The following HCN1 variants were observed in gnomAD, a reference collection of about 807,000 sequenced individuals.
HCN1 encodes the protein hyperpolarization activated cyclic nucleotide gated potassium channel 1, also known as potassium/sodium hyperpolarization-activated cyclic nucleotide-gated channel 1.
A neutral mutation model predicts 78.9 loss-of-function variants in HCN1; 13 were observed. That is an observed-to-expected ratio of 0.16 (90% CI 0.11 to 0.26). The LOEUF is 0.26. Among genes scored for constraint, HCN1 ranks in the 10% least tolerant of loss-of-function variants. HCN1 has a pLI of 1.00. For synonymous variants in HCN1, 552 were observed against 455.5 expected (o/e 1.21, Z -2.70); for missense variants, 810 against 1,154.3 (o/e 0.70, Z 4.32).
chr5:45,419,739 C>T (rs986064143), intron 3 of HCN1, among the ~76,000 whole-genome samples: 5 of 152,154 alleles, frequency 3.3e-5, no homozygotes, highest in African/African-American at 4.8e-5. Context: ...GCTGTGTTTC[C>T]TGTTGAAGGT....
At chr5:45,564,998 C>T (rs956895737) in intron 2 of HCN1, among the ~76,000 whole-genome samples, 1 of 152,092 alleles carries the variant, frequency 6.6e-6, no homozygotes, top group Non-Finnish European at 1.5e-5. Flanking sequence ...TCAGAAGAAT[C>T]TTTGTGTTTT....
At chr5:45,432,687 A>G (rs1740486636) in intron 3 of HCN1, among the ~76,000 whole-genome samples, 1 of 152,142 alleles carries the variant, frequency 6.6e-6, no homozygotes, top group Non-Finnish European at 1.5e-5. Flanking sequence ...AGGGCTTTTC[A>G]TATGAAGAGA....
At chr5:45,445,244 G>A (rs986951652) in intron 3 of HCN1, among the ~76,000 whole-genome samples, 1 of 152,202 alleles carries the variant, frequency 6.6e-6, no homozygotes, top group Non-Finnish European at 1.5e-5. Context: ...TCCCGCACCT[G>A]GCTCGGAGGG....
In HCN1 at chr5:45,695,829, G is replaced by T. The variant is rs763705954; in HGVS notation, c.265C>A (p.Arg89=). 12 of 1,604,712 alleles carry T rather than the reference G, an allele frequency of 7.5e-6. No homozygotes were observed. The East Asian group carries it at 2.5e-4, about 33-fold the overall frequency. The part of the protein sequence containing the change: ...GGFEDAEGPR[R]QYGFMQRQFT... ...TGCCTCTGCATGAAGCCGTACTGCC[G>T]CCGGGGCCCCTCGGCGTCTTCGAAG... Residue 89 remains arginine (R), a synonymous_variant, in exon 1 of 8, where the codon CGG becomes AGG. Coordinates refer to ENST00000303230, the MANE Select transcript of HCN1 (RefSeq NM_021072.4).
intron 4 of HCN1, among the ~76,000 whole-genome samples, chr5:45,381,201 T>C (rs954086091): frequency 6.6e-6 from 1 of 152,146 alleles, no homozygotes; most frequent in Non-Finnish European, 1.5e-5. Context: ...AAGATACTTT[T>C]GAAAATAATT....
At chr5:45,558,304 G>T (rs1366004789) in intron 2 of HCN1, 1 of 152,118 alleles carries the variant, frequency 6.6e-6, no homozygotes, top group African/African-American at 2.4e-5. Flanking sequence ...CAGAGGTGAG[G>T]ATGCTGCAGA....
At position 45,303,728 on chromosome 5, in the gene HCN1, G is replaced by T; in HGVS notation, c.1489C>A (p.Gln497Lys). The T allele has an allele frequency of 1.2e-6, 2 of 1,613,644 alleles. No homozygotes were observed. Among genetic ancestry groups the T allele is most frequent in the Non-Finnish European group, 1.7e-6 (2 of 1,179,792 alleles). The change falls in exon 6 of 8, where the codon CAA (glutamine) becomes AAA (lysine). Residue 497 changes from glutamine (Q) to lysine (K), a missense_variant. Physicochemically the swap from Gln to Lys is moderately conservative, Grantham distance 53. Around this residue, in one of 6 missense-constraint regions of HCN1, gnomAD observed 100 missense variants for 126.8 expected, o/e 0.79. Coordinates refer to ENST00000303230, the MANE Select transcript of HCN1 (RefSeq NM_021072.4). ...MLSKLRFEVF[Q>K]PGDYIIREGA... is the part of the protein sequence containing the mutation. Reference sequence around the variant, plus strand: ...TCTCGTATGATATAATCTCCAGGTTGAAACACCTCAAATCTCAACTTGCTC... The same window carrying T: ...TCTCGTATGATATAATCTCCAGGTTTAAACACCTCAAATCTCAACTTGCTC...
intron 6 of HCN1, among the ~76,000 whole-genome samples, chr5:45,280,815 T>C (rs1312900992): frequency 1.3e-5 from 2 of 152,224 alleles, no homozygotes; most frequent in Non-Finnish European, 2.9e-5. Flanking sequence ...TTGGATACTC[T>C]TCTTGGAACG....
intron 3 of HCN1, among the ~76,000 whole-genome samples, chr5:45,409,948 C>T (rs998437436): frequency 6.6e-6 from 1 of 151,376 alleles, no homozygotes; most frequent in African/African-American, 2.4e-5. Context: ...GTTACTTGCC[C>T]AAGGTCTGAT....
Position 45,410,896 on chromosome 5 carries a change from G to A in HCN1, c.1012-14186C>T, listed in dbSNP as rs185186666. On this transcript the variant is annotated intron_variant, in intron 3 of 7. Transcript: ENST00000303230. ...ATCTGAGAGAACATTTAGCATTGACGTCTAAATCCACATAAGCTGTATACA... is the reference window on the plus strand; with the variant it reads ...ATCTGAGAGAACATTTAGCATTGACATCTAAATCCACATAAGCTGTATACA... Among the ~76,000 whole-genome samples the A allele has an allele frequency of 2.5e-4, 38 of 152,102 alleles. 1 individual carries two copies. The East Asian group carries it at 6.6e-3, about 26-fold the overall frequency.
chr5:45,496,917 G>T (rs2111718712), intron 2 of HCN1, among the ~76,000 whole-genome samples: 1 of 152,190 alleles, frequency 6.6e-6, no homozygotes, highest in South Asian at 2.1e-4. Flanking sequence ...TGTTCTCATT[G>T]GTTTCAAAGA....
At chr5:45,313,348 C>G (rs1745900574) in intron 5 of HCN1, among the ~76,000 whole-genome samples, 1 of 152,100 alleles carries the variant, frequency 6.6e-6, no homozygotes, top group Non-Finnish European at 1.5e-5. Flanking sequence ...AGGACATTCA[C>G]ACCAAAACCC....
At chr5:45,313,351 CA>C in intron 5 of HCN1, among the ~76,000 whole-genome samples, 1 of 152,008 alleles carries the variant, frequency 6.6e-6, no homozygotes, top group Non-Finnish European at 1.5e-5. Flanking sequence ...ACATTCACAC[CA>C]AAACCCCATC....
intron 2 of HCN1, among the ~76,000 whole-genome samples, chr5:45,462,701 A>C (rs369801504): frequency 3.3e-5 from 5 of 152,170 alleles, no homozygotes; most frequent in African/African-American, 9.6e-5. Context: ...TTTTGATGAA[A>C]TTCAGTATGG....
intron 2 of HCN1, among the ~76,000 whole-genome samples, chr5:45,514,566 C>A (rs1469499742): frequency 6.6e-6 from 1 of 152,088 alleles, no homozygotes; most frequent in Admixed American, 6.6e-5. Flanking sequence ...TTTATTTCTA[C>A]CTCAATGTTT....
At chr5:45,376,345 T>TAGAG (rs1328696016) in intron 4 of HCN1, among the ~76,000 whole-genome samples, 27 of 96,928 alleles carry the variant, frequency 2.8e-4, no homozygotes, top group African/African-American at 9.7e-4. Flanking sequence ...ATATTATATA[T>TAGAG]ATATAGAGAG....
chr5:45,390,026 T>G (rs2112034001), intron 4 of HCN1, among the ~76,000 whole-genome samples: 1 of 152,292 alleles, frequency 6.6e-6, no homozygotes, highest in Admixed American at 6.5e-5. Context: ...TTCATTCAAA[T>G]TAGACTATTC....
intron 2 of HCN1, among the ~76,000 whole-genome samples, chr5:45,605,417 C>G (rs1376395291): frequency 6.6e-6 from 1 of 151,546 alleles, no homozygotes; most frequent in African/African-American, 2.4e-5. Context: ...AATCTAAATG[C>G]CAATAAGTTA....
intron 4 of HCN1, among the ~76,000 whole-genome samples, chr5:45,361,413 G>T (rs1747106959): frequency 6.6e-6 from 1 of 152,118 alleles, no homozygotes; most frequent in South Asian, 2.1e-4. Context: ...CAGCCTCCTG[G>T]GTTCTAGTGA....
Sources: gnomAD v4.1 joint callset for allele counts (sites outside exome capture counted in the v4.1 genomes callset) on GRCh38, gnomAD v4.1.1 for gene constraint, gnomAD v4.1.1 regional missense constraint, MANE v1.5 for transcripts, NCBI Gene and HGNC (gene_info 2026-07-23, HGNC 2026-07-21) for gene names.